AGO4: variants seen among roughly 807,000 people sequenced by gnomAD.
The protein encoded by AGO4 is protein argonaute-4.
A neutral mutation model predicts 104.7 loss-of-function variants in AGO4; 33 were observed. The ratio of observed to expected loss-of-function variants is 0.32; its 90% CI spans 0.24 to 0.42. The LOEUF (loss-of-function observed/expected upper bound fraction) is 0.42. Among genes scored for constraint, AGO4 ranks in the 10% least tolerant of loss-of-function variants. The probability of loss-of-function intolerance (pLI) is 1.00; values close to 1 mark genes in which losing one functional copy is unlikely to be tolerated. For synonymous variants in AGO4, 331 were observed against 364.7 expected, an observed-to-expected ratio of 0.91 and a Z score of 1.05; for missense variants, 711 against 1,083.4, an observed-to-expected ratio of 0.66 and a Z score of 4.83.
rs560828419 is a variant in AGO4 at position 35,826,741 on chromosome 1, A to AT, written c.761-4dup. ...ACTGATGTTTTGCCTTTTAAAAAAAATTTCAGGTCTCAAAGTTGAGGTGAC... is the reference window on the plus strand; with the variant it reads ...ACTGATGTTTTGCCTTTTAAAAAAAATTTTCAGGTCTCAAAGTTGAGGTGAC... On this transcript the variant is annotated splice_region_variant and splice_polypyrimidine_tract_variant and intron_variant, in intron 6 of 17. Transcript: ENST00000373210. The AT allele has an allele frequency of 4.2e-5, 68 of 1,613,658 alleles. No homozygotes were observed. The East Asian group carries it at 7.1e-4, about 17-fold the overall frequency.
intron 3 of AGO4, among the ~76,000 whole-genome samples, chr1:35,824,945 C>T (rs1643976135): frequency 6.6e-6 from 1 of 152,160 alleles, no homozygotes; most frequent in African/African-American, 2.4e-5. Flanking sequence ...ATTCCCCATA[C>T]CCTACTGTCC....
chr1:35,818,795 C>G (rs943170320), intron 2 of AGO4, among the ~76,000 whole-genome samples: 5 of 152,042 alleles, frequency 3.3e-5, no homozygotes, highest in African/African-American at 9.7e-5. Context: ...CAGAAGGCCT[C>G]TATCATGCAG....
At chr1:35,826,251 C>T (rs1459038331) in intron 6 of AGO4, among the ~76,000 whole-genome samples, 191 bp downstream of exon 6, 1 of 152,038 alleles carries the variant, frequency 6.6e-6, no homozygotes, top group East Asian at 1.9e-4. Context: ...TAATATATAC[C>T]TTGTAGAGTT....
chr1:35,820,828 A>T (rs138336749), intron 2 of AGO4, among the ~76,000 whole-genome samples: 77 of 152,326 alleles, frequency 5.1e-4, no homozygotes, highest in African/African-American at 1.8e-3. Flanking sequence ...GACAAGCACC[A>T]TTCTAAATAC....
Position 35,855,039 on chromosome 1 carries a change from A to G in AGO4, c.*1434A>G, listed in dbSNP as rs1041101480. ...GCGAGCATCAGTTAAAATGTAGGGG[A>G]AAATGTATTCTGTATGTAGTGTAGA... On this transcript the variant is annotated 3_prime_UTR_variant, in exon 18 of 18. Transcript: ENST00000373210. 1.3e-5 allele frequency: 2 copies of G among 152,632 alleles called. No homozygotes were observed. The highest frequency in any genetic ancestry group is 4.8e-5 in the African/African-American group (2 of 41,454). The allele number at this position is 152,632 out of a possible 1,614,324, so 9.5% of individuals were successfully genotyped here.
In AGO4 at chr1:35,831,388, C is replaced by T. The variant is rs201357907; in HGVS notation, c.849-39C>T. 213 of 1,552,254 alleles carry T rather than the reference C, an allele frequency of 1.4e-4. 3 individuals carry two copies. The Admixed American group carries it at 4.5e-3, about 33-fold the overall frequency. On this transcript the variant is annotated intron_variant, in intron 7 of 17. Coordinates refer to ENST00000373210, the MANE Select transcript of AGO4 (RefSeq NM_017629.4). Reference sequence around the variant, plus strand: ...AAAAGAAAAAGAAGAAAAGAAAGAACTTGAAGAAATATTCTAAAAAAGACA... The same window carrying T: ...AAAAGAAAAAGAAGAAAAGAAAGAATTTGAAGAAATATTCTAAAAAAGACA...
intron 7 of AGO4, among the ~76,000 whole-genome samples, chr1:35,827,844 TG>T (rs1450861682): frequency 2.2e-4 from 30 of 139,026 alleles, no homozygotes; most frequent in African/African-American, 7.4e-4. Context: ...TGTCACCTTC[TG>T]GGCTCAAGTG....
At chr1:35,829,363 A>G (rs1220473277) in intron 7 of AGO4, among the ~76,000 whole-genome samples, 10 of 151,972 alleles carry the variant, frequency 6.6e-5, no homozygotes, top group Admixed American at 2.0e-4. Flanking sequence ...TGAGAATTGT[A>G]GCATTTGTTC....
At chr1:35,809,393 G>T (rs984644955) in intron 1 of AGO4, among the ~76,000 whole-genome samples, 1 of 152,138 alleles carries the variant, frequency 6.6e-6, no homozygotes, top group African/African-American at 2.4e-5. Flanking sequence ...CCTACATAAT[G>T]AACTTAGTCG....
intron 1 of AGO4, among the ~76,000 whole-genome samples, chr1:35,816,273 C>A (rs1571257177): frequency 6.6e-6 from 1 of 152,218 alleles, no homozygotes; most frequent in Middle Eastern, 3.4e-3. Flanking sequence ...AGCTATAGAG[C>A]TTTACTAATG....
In AGO4 at chr1:35,850,873, A is replaced by G. The variant is rs774518459; in HGVS notation, c.2297A>G (p.His766Arg). Residue 766 changes from histidine (H) to arginine (R), a missense_variant, in exon 17 of 18, where the codon CAT becomes CGT. Transcript: ENST00000373210. Reference sequence around the variant, plus strand: ...CCTCAGGGAACCAGCCGTCCCTCACATTACCAGGTCTTGTGGGATGACAAC... The same window carrying G: ...CCTCAGGGAACCAGCCGTCCCTCACGTTACCAGGTCTTGTGGGATGACAAC... Reference protein sequence around the residue: ...AGIQGTSRPSHYQVLWDDNCF... With the variant: ...AGIQGTSRPSRYQVLWDDNCF... 6 of 1,612,876 alleles carry G rather than the reference A, an allele frequency of 3.7e-6. No homozygotes were observed. The African/African-American group carries it at 6.7e-5, about 18-fold the overall frequency.
In AGO4 at chr1:35,808,317, T is replaced by G; in HGVS notation, c.-100T>G. ...CTCCGCGGCGCCACCCCAGCGCCAATATTCCGGAGATCAAGCGTTACGCGG... is the reference window on the plus strand; with the variant it reads ...CTCCGCGGCGCCACCCCAGCGCCAAGATTCCGGAGATCAAGCGTTACGCGG... On this transcript the variant is annotated 5_prime_UTR_variant, in exon 1 of 18. Transcript: ENST00000373210. This position sits in a 1 kb window ranked among gnomAD's most constrained non-coding sequence, Gnocchi z 5.2. The G allele has an allele frequency of 5.2e-5, 37 of 713,068 alleles. No individual in the cohort carries two copies. The highest frequency in any genetic ancestry group is 6.2e-5 in the Non-Finnish European group (36 of 580,852). The allele number at this position is 713,068 out of a possible 1,614,324, so 44.2% of individuals were successfully genotyped here. A position where few individuals can be genotyped will look rare whatever the true frequency, so the allele number is the denominator to read the frequency against.
chr1:35,825,014 A>G (rs1381285692), intron 3 of AGO4, among the ~76,000 whole-genome samples: 2 of 152,164 alleles, frequency 1.3e-5, no homozygotes, highest in African/African-American at 2.4e-5. Flanking sequence ...TATTCAATGT[A>G]CTTCATAGAA....
intron 8 of AGO4, 66 bp from the exon 9 acceptor site, chr1:35,831,746 T>G: frequency 6.3e-7 from 1 of 1,590,040 alleles, no homozygotes; most frequent in Non-Finnish European, 8.5e-7. Flanking sequence ...ATATAAGATA[T>G]GGTTTGGCAA....
chr1:35,837,775 T>G (rs2148674132), intron 13 of AGO4, among the ~76,000 whole-genome samples: 1 of 152,340 alleles, frequency 6.6e-6, no homozygotes, highest in African/African-American at 2.4e-5. Context: ...TAGTTCTTTG[T>G]GGTTTCTGGT....
Position 35,808,533 on chromosome 1 carries a change from C to A in AGO4, c.19+98C>A. 1 of 1,077,062 alleles carries A rather than the reference C, an allele frequency of 9.3e-7. No individual in the cohort carries two copies. Among genetic ancestry groups the A allele is most frequent in the Non-Finnish European group, 1.1e-6 (1 of 870,340 alleles). 66.7% of individuals were successfully genotyped at this position (1,077,062 alleles called of 1,614,324 possible). A position where few individuals can be genotyped will look rare whatever the true frequency, so the allele number is the denominator to read the frequency against. Reference sequence around the variant, plus strand: ...CCCCGTCGCCTCGCCGGGTTCGGGCCGCCAGGCCTCGGGGAAGGGGACCCG... The same window carrying A: ...CCCCGTCGCCTCGCCGGGTTCGGGCAGCCAGGCCTCGGGGAAGGGGACCCG... On this transcript the variant is annotated intron_variant, in intron 1 of 17. Coordinates refer to ENST00000373210, the MANE Select transcript of AGO4 (RefSeq NM_017629.4). The surrounding 1 kb of genome is among the most constrained non-coding windows in gnomAD (Gnocchi z 5.2).
At chr1:35,832,397 T>TTTCTTC in intron 10 of AGO4, 40 bp from the exon 11 acceptor site, 1 of 1,523,018 alleles carries the variant, frequency 6.6e-7, no homozygotes, top group Non-Finnish European at 8.8e-7. Context: ...TTTTCTTTTG[T>TTTCTTC]TTCTTCTTCT....
At position 35,813,801 on chromosome 1, in the gene AGO4, GGAAGGAA is replaced by G. The variant is rs1163560415; in HGVS notation, c.20-3069_20-3063del. On this transcript the variant is annotated intron_variant, in intron 1 of 17. Transcript: ENST00000373210. Reference sequence around the variant, plus strand: ...GAAGAGGAAGAGGAAGAAGGAAGAAGGAAGGAAGAAGGAAGAAGAAGAGAGACACTTT... The same window carrying G: ...GAAGAGGAAGAGGAAGAAGGAAGAAGGAAGGAAGAAGAAGAGAGACACTTT... Among the ~76,000 whole-genome samples the G allele has an allele frequency of 1.1e-4, 16 of 149,416 alleles. No individual in the cohort carries two copies. The East Asian group carries it at 2.3e-3, about 22-fold the overall frequency.
At chr1:35,845,992 A>G (rs1644563625) in intron 15 of AGO4, among the ~76,000 whole-genome samples, 1 of 152,186 alleles carries the variant, frequency 6.6e-6, no homozygotes, top group Non-Finnish European at 1.5e-5. Flanking sequence ...GAAGTAACAC[A>G]TTTCAGGCCA....
Sources: gnomAD v4.1 joint callset for allele counts (sites outside exome capture counted in the v4.1 genomes callset) on GRCh38, gnomAD v4.1.1 for gene constraint, Gnocchi (gnomAD v3.1) non-coding constraint, MANE v1.5 for transcripts, NCBI Gene and HGNC (gene_info 2026-07-23, HGNC 2026-07-21) for gene names.